SEMA5A: variants seen among roughly 807,000 people sequenced by gnomAD.
The protein encoded by SEMA5A is semaphorin-5A.
A neutral mutation model predicts 135.5 loss-of-function variants in SEMA5A; 55 were observed. The observed-to-expected ratio is 0.41, with a 90% CI of 0.33 to 0.51. SEMA5A has a LOEUF of 0.51. Among genes scored for constraint, SEMA5A ranks in the 20% least tolerant of loss-of-function variants. The pLI, the probability that SEMA5A is intolerant of heterozygous loss-of-function variation, is 0.37. For missense variants in SEMA5A, 1,290 were observed against 1,419.9 expected (o/e 0.91, Z 1.47); for synonymous variants, 580 against 546.5 (o/e 1.06, Z -0.85).
intron 2 of SEMA5A, among the ~76,000 whole-genome samples, chr5:9,408,150 TCACCACCACCACCACCACAA>T (rs1756968140): frequency 6.6e-6 from 1 of 150,616 alleles, no homozygotes; most frequent in Admixed American, 6.6e-5. Context: ...AACATCATTA[TCACCACCACCACCACCACAA>T]TCACCAACAC....
chr5:9,136,907 T>G (rs1741789605), intron 12 of SEMA5A, among the ~76,000 whole-genome samples: 1 of 152,198 alleles, frequency 6.6e-6, no homozygotes, highest in East Asian at 1.9e-4. Flanking sequence ...TCATAAATAG[T>G]GCTAAAATCA....
chr5:9,456,978 C>T (rs1357455618), intron 1 of SEMA5A, among the ~76,000 whole-genome samples: 6 of 152,144 alleles, frequency 3.9e-5, no homozygotes, highest in African/African-American at 9.7e-5. Context: ...CCATCATGAA[C>T]GTAACTAAAG....
At chr5:9,403,848 T>C (rs1019325458) in intron 2 of SEMA5A, among the ~76,000 whole-genome samples, 5 of 152,174 alleles carry the variant, frequency 3.3e-5, no homozygotes, top group Non-Finnish European at 7.3e-5. Flanking sequence ...GTCAGAAACA[T>C]GGCAAAGGTC....
rs139868902 is a variant in SEMA5A at position 9,136,535 on chromosome 5, G to A, written c.1568C>T (p.Thr523Met). 141 of 1,614,132 alleles carry A rather than the reference G, an allele frequency of 8.7e-5. 1 individual carries two copies. The highest frequency in any genetic ancestry group is 7.6e-4 in the East Asian group (34 of 44,868). The change falls in exon 13 of 23, where the codon ACG (threonine) becomes ATG (methionine). Residue 523 changes from threonine to methionine, a missense_variant. Thr to Met is a moderately conservative substitution (Grantham distance 81). Transcript: ENST00000382496. ...CTSLEESLSM[T>M]QWEQSISACP... ...CGCAGAGATGCTCTGTTCCCACTGC[G>A]TCATGCTCAGGCTCTCCTCCAGGCT...
chr5:9,443,895 T>C (rs1758330961), intron 1 of SEMA5A, among the ~76,000 whole-genome samples: 1 of 152,190 alleles, frequency 6.6e-6, no homozygotes, highest in South Asian at 2.1e-4. Flanking sequence ...CTTGAGGTGA[T>C]GAAGAAATTA....
At chr5:9,427,951 A>G (rs905237406) in intron 2 of SEMA5A, among the ~76,000 whole-genome samples, 12 of 152,200 alleles carry the variant, frequency 7.9e-5, no homozygotes, top group African/African-American at 2.9e-4. Flanking sequence ...GGCTTTCTCT[A>G]TCTGTTTCTA....
intron 17 of SEMA5A, among the ~76,000 whole-genome samples, chr5:9,064,394 A>T (rs1737344410): frequency 6.6e-6 from 1 of 152,230 alleles, no homozygotes; most frequent in Admixed American, 6.5e-5. Context: ...AAACCTGGCC[A>T]AATGCCCATT....
rs1736501527 is a variant in SEMA5A, at chr5:9,050,399, G to A, written c.2893+11C>T. 6.2e-7 allele frequency: 1 copy of A among 1,608,388 alleles called. No homozygotes were observed. The highest frequency in any genetic ancestry group is 8.5e-7 in the Non-Finnish European group (1 of 1,176,910). ...TACATCCATTACAACTACTTAAAAG[G>A]AATAACGTACCTCCACACCTTTTCT... On this transcript the variant is annotated intron_variant, in intron 21 of 22. Transcript: ENST00000382496.
chr5:9,424,969 C>T (rs900174455), intron 2 of SEMA5A, among the ~76,000 whole-genome samples: 23 of 152,238 alleles, frequency 1.5e-4, no homozygotes, highest in African/African-American at 4.6e-4. Flanking sequence ...ATAATATAAC[C>T]GACAATTTGG....
intron 5 of SEMA5A, among the ~76,000 whole-genome samples, chr5:9,259,791 G>A (rs1346495416): frequency 2.3e-5 from 2 of 87,084 alleles, no homozygotes; most frequent in Non-Finnish European, 4.5e-5. Context: ...GAGAAAGCAG[G>A]AAAGATCCAA....
At chr5:9,109,172 C>G (rs1170262500) in intron 15 of SEMA5A, among the ~76,000 whole-genome samples, 10 of 149,538 alleles carry the variant, frequency 6.7e-5, no homozygotes, top group African/African-American at 2.2e-4. Context: ...TCCCAAGTAG[C>G]TGGGACTACA....
chr5:9,115,996 TGA>T (rs1740490638), intron 15 of SEMA5A, among the ~76,000 whole-genome samples: 1 of 152,202 alleles, frequency 6.6e-6, no homozygotes, highest in South Asian at 2.1e-4. Context: ...GGCAAGAAAC[TGA>T]GAGTGGTCTC....
In SEMA5A at chr5:9,038,371, A is replaced by G. The variant is rs1394513160; in HGVS notation, c.*4526T>C. 1 of 152,344 alleles carries G rather than the reference A, an allele frequency of 6.6e-6. No individual in the cohort carries two copies. Among genetic ancestry groups the G allele is most frequent in the East Asian group, 1.9e-4 (1 of 5,176 alleles). 9.4% of individuals were successfully genotyped at this position (152,344 alleles called of 1,614,324 possible). A position where few individuals can be genotyped will look rare whatever the true frequency, so the allele number is the denominator to read the frequency against. ...GTGTTCCAGAGCCATCTCTTGAGAT[A>G]GAAATGCTGAGGTCAATGGAGTTAC... On this transcript the variant is annotated 3_prime_UTR_variant, in exon 23 of 23. Coordinates refer to ENST00000382496, the MANE Select transcript of SEMA5A (RefSeq NM_003966.3).
intron 6 of SEMA5A, among the ~76,000 whole-genome samples, chr5:9,236,580 ATTAT>A (rs1336340570): frequency 5.9e-5 from 9 of 152,288 alleles, no homozygotes; most frequent in East Asian, 5.8e-4. Context: ...TGGGCTTTAG[ATTAT>A]TTATTTATTT....
At position 9,122,580 on chromosome 5, in the gene SEMA5A, T is replaced by C. The variant is rs879659092; in HGVS notation, c.1781+76A>G. ...TTCTCTCCAAAAGGGAGTTATATTA[T>C]AAATGATGTCCCAAACTCCTCGAGA... On this transcript the variant is annotated intron_variant, in intron 14 of 22. Transcript: ENST00000382496. 6 of 1,372,814 alleles carry C rather than the reference T, an allele frequency of 4.4e-6. No homozygotes were observed. The East Asian group carries it at 1.0e-4, about 23-fold the overall frequency. The allele number at this position is 1,372,814 out of a possible 1,614,324, so 85.0% of individuals were successfully genotyped here. A position where few individuals can be genotyped will look rare whatever the true frequency, so the allele number is the denominator to read the frequency against.
At chr5:9,368,889 A>G (rs1446907429) in intron 3 of SEMA5A, among the ~76,000 whole-genome samples, 2 of 152,316 alleles carry the variant, frequency 1.3e-5, no homozygotes, top group African/African-American at 4.8e-5. Flanking sequence ...ATTCAATATT[A>G]TGTTACTGTT....
At chr5:9,085,410 G>A (rs1164844164) in intron 16 of SEMA5A, among the ~76,000 whole-genome samples, 2 of 152,156 alleles carry the variant, frequency 1.3e-5, no homozygotes, top group African/African-American at 2.4e-5. Context: ...TCCCTGTGCT[G>A]TGTGCAGCCT....
At chr5:9,328,980 C>T (rs762147698) in intron 4 of SEMA5A, among the ~76,000 whole-genome samples, 1 of 152,160 alleles carries the variant, frequency 6.6e-6, no homozygotes, top group Non-Finnish European at 1.5e-5. Context: ...CCTATAATTA[C>T]TTCCCCCTCT....
chr5:9,257,453 T>TA (rs1749134959), intron 5 of SEMA5A, among the ~76,000 whole-genome samples: 1 of 151,896 alleles, frequency 6.6e-6, no homozygotes, highest in African/African-American at 2.4e-5. Flanking sequence ...AGATCTTTTT[T>TA]TTTTCCATTC....
Sources: gnomAD v4.1 joint callset for allele counts (sites outside exome capture counted in the v4.1 genomes callset) on GRCh38, gnomAD v4.1.1 for gene constraint, MANE v1.5 for transcripts, NCBI Gene and HGNC (gene_info 2026-07-23, HGNC 2026-07-21) for gene names.